NUBPL: variants seen among roughly 807,000 people sequenced by gnomAD.
NUBPL encodes NUBP iron-sulfur cluster assembly factor, mitochondrial.
A neutral mutation model predicts 45.7 loss-of-function variants in NUBPL; 31 were observed. That is an observed-to-expected ratio of 0.68 (90% CI 0.51 to 0.92). The LOEUF is 0.92. NUBPL is among the 40% of genes least tolerant of loss of function. NUBPL has a pLI of 0.00. For synonymous variants in NUBPL, 144 were observed against 140.9 expected (o/e 1.02, Z -0.15); for missense variants, 401 against 398.7 (o/e 1.01, Z -0.05).
At chr14:31,646,154 C>T (rs2035845387) in intron 4 of NUBPL, among the ~76,000 whole-genome samples, 1 of 151,966 alleles carries the variant, frequency 6.6e-6, no homozygotes, top group African/African-American at 2.4e-5. Flanking sequence ...ATATACTATT[C>T]TTGGATGGCA....
intron 8 of NUBPL, among the ~76,000 whole-genome samples, chr14:31,838,092 A>G (rs2040310638): frequency 6.6e-6 from 1 of 152,124 alleles, no homozygotes; most frequent in Admixed American, 6.6e-5. Flanking sequence ...AGCCAGCACA[A>G]TGAGAGTCTA....
intron 7 of NUBPL, among the ~76,000 whole-genome samples, chr14:31,789,383 A>T (rs917854323): frequency 6.6e-6 from 1 of 152,084 alleles, no homozygotes; most frequent in African/African-American, 2.4e-5. Flanking sequence ...CTTTTTGGTA[A>T]ATACAACTAT....
In NUBPL at chr14:31,665,930, T is replaced by C. The variant is rs1271697507; in HGVS notation, c.383-7425T>C. ...CGGGTGCTCCTGTATTGGGTGCATA[T>C]ATATTTAAGATAATGCTTCTTGTTG... On this transcript the variant is annotated intron_variant, in intron 4 of 10. Transcript: ENST00000281081. Among the ~76,000 whole-genome samples, 4 of 152,122 alleles carry C rather than the reference T, an allele frequency of 2.6e-5. No individual in the cohort carries two copies. The East Asian group carries it at 7.7e-4, about 29-fold the overall frequency.
chr14:31,704,616 T>C (rs762854983), intron 6 of NUBPL, among the ~76,000 whole-genome samples: 3 of 151,726 alleles, frequency 2.0e-5, no homozygotes. Flanking sequence ...TGAGCCAAGA[T>C]CATGCCACTG....
intron 6 of NUBPL, among the ~76,000 whole-genome samples, chr14:31,713,088 C>T (rs1186884777): frequency 4.6e-5 from 7 of 152,122 alleles, no homozygotes; most frequent in African/African-American, 1.7e-4. Context: ...GGCTGAGGAT[C>T]ATTTCCTGAG....
At chr14:31,658,008 A>C (rs2036181173) in intron 4 of NUBPL, among the ~76,000 whole-genome samples, 1 of 152,196 alleles carries the variant, frequency 6.6e-6, no homozygotes, top group Non-Finnish European at 1.5e-5. Flanking sequence ...AATCTACCTA[A>C]AAGATATGTC....
chr14:31,846,201 C>A, intron 8 of NUBPL: 1 of 404,208 alleles, frequency 2.5e-6, no homozygotes, highest in Non-Finnish European at 4.6e-6. Context: ...ATGGGAAACT[C>A]AAAGATTTCT....
intron 10 of NUBPL, among the ~76,000 whole-genome samples, chr14:31,858,350 T>G (rs536909023): frequency 3.3e-5 from 5 of 152,348 alleles, no homozygotes; most frequent in African/African-American, 1.2e-4. Flanking sequence ...CAATTATCAA[T>G]GTAGAAATTA....
intron 4 of NUBPL, among the ~76,000 whole-genome samples, chr14:31,603,894 G>A (rs1267648898): frequency 6.6e-6 from 1 of 152,098 alleles, no homozygotes; most frequent in Non-Finnish European, 1.5e-5. Context: ...AAGGAGTAAT[G>A]AATTTGCATA....
At chr14:31,756,602 T>G (rs545189365) in intron 6 of NUBPL, among the ~76,000 whole-genome samples, 34 of 149,390 alleles carry the variant, frequency 2.3e-4, no homozygotes, top group Admixed American at 1.7e-3. Context: ...GATTTTGGGC[T>G]GAGACAATGG....
At chr14:31,710,980 G>T (rs1277321920) in intron 6 of NUBPL, among the ~76,000 whole-genome samples, 1 of 152,216 alleles carries the variant, frequency 6.6e-6, no homozygotes, top group Non-Finnish European at 1.5e-5. Flanking sequence ...AACTAGAAAA[G>T]CACCAGAGAC....
At chr14:31,851,012 G>A (rs11848392) in intron 10 of NUBPL, among the ~76,000 whole-genome samples, 39,636 of 151,820 alleles carry the variant, frequency 0.26, 7,797 homozygotes, top group African/African-American at 0.56. Flanking sequence ...AGCCAACATA[G>A]TTGGAGATAT....
intron 6 of NUBPL, among the ~76,000 whole-genome samples, chr14:31,690,025 G>A (rs2037057008): frequency 1.3e-5 from 2 of 150,616 alleles, no homozygotes; most frequent in African/African-American, 2.4e-5. Flanking sequence ...TGGTCTATGT[G>A]TCTATTTTTG....
At chr14:31,616,126 A>G (rs940834755) in intron 4 of NUBPL, among the ~76,000 whole-genome samples, 1 of 151,962 alleles carries the variant, frequency 6.6e-6, no homozygotes. Context: ...TCCTTTGCCC[A>G]CTTTTTGATG....
chr14:31,725,733 T>G (rs1317565023), intron 6 of NUBPL, among the ~76,000 whole-genome samples: 2 of 106,988 alleles, frequency 1.9e-5, no homozygotes, highest in Non-Finnish European at 3.8e-5. Context: ...TTTTTTGACT[T>G]GAGTCTCACT....
At chr14:31,654,433 G>C (rs1351506332) in intron 4 of NUBPL, among the ~76,000 whole-genome samples, 1 of 147,250 alleles carries the variant, frequency 6.8e-6, no homozygotes, top group African/African-American at 2.5e-5. Flanking sequence ...TTTTGAGACA[G>C]AGTCTCGCTC....
Position 31,632,943 on chromosome 14 carries a change from C to A in NUBPL, c.382+33564C>A, listed in dbSNP as rs553260091. ...ATGTTAATCTATATTTTACATATTTCTACTTTTAAATTATTAATAGACATG... is the reference window on the plus strand; with the variant it reads ...ATGTTAATCTATATTTTACATATTTATACTTTTAAATTATTAATAGACATG... On this transcript the variant is annotated intron_variant, in intron 4 of 10. Transcript: ENST00000281081. 1.1e-3 allele frequency among the ~76,000 whole-genome samples: 166 copies of A among 152,226 alleles called. 1 individual carries two copies. In the Middle Eastern group the frequency reaches 0.014, roughly 12 times the overall value.
At chr14:31,775,823 A>G (rs1277412456) in intron 6 of NUBPL, among the ~76,000 whole-genome samples, 3 of 151,908 alleles carry the variant, frequency 2.0e-5, no homozygotes, top group Non-Finnish European at 4.4e-5. Context: ...GAACTGAGAA[A>G]CTTTTACCAA....
chr14:31,734,956 C>G (rs2038133615), intron 6 of NUBPL, among the ~76,000 whole-genome samples: 1 of 152,180 alleles, frequency 6.6e-6, no homozygotes. Flanking sequence ...CCCTACCATG[C>G]TAACTCTAGG....
Sources: allele counts gnomAD v4.1 joint callset (sites outside exome capture counted in the v4.1 genomes callset), GRCh38; gene constraint gnomAD v4.1.1; transcripts MANE v1.5; gene names NCBI Gene and HGNC (gene_info 2026-07-23, HGNC 2026-07-21).